Variants in SPATA31G1 observed in about 807,000 individuals in gnomAD.
SPATA31G1 encodes the protein spermatogenesis-associated protein 31G1.
the SPATA31G1 span, chr9:35,045,041 C>T: frequency 6.2e-7 from 1 of 1,614,172 alleles, no homozygotes; most frequent in Non-Finnish European, 8.5e-7. Context: ...GAGCCCCTGG[C>T]CCAAGTCAAT....
At chr9:35,043,676 T>C in the SPATA31G1 span, 1 of 1,614,190 alleles carries the variant, frequency 6.2e-7, no homozygotes, top group South Asian at 1.1e-5. Flanking sequence ...CCCCAGCTTC[T>C]CTGTCAGAAC....
the SPATA31G1 span, chr9:35,044,094 G>A: frequency 6.2e-7 from 1 of 1,614,072 alleles, no homozygotes; most frequent in Admixed American, 1.7e-5. Flanking sequence ...GGGCCCCCAG[G>A]GAGTCCTGTC....
chr9:35,041,451 A>T, the SPATA31G1 span: 61 of 181,178 alleles, frequency 3.4e-4, no homozygotes, highest in Admixed American at 5.4e-4. Context: ...GTAAGTAATA[A>T]TATTATTGTG....
chr9:35,044,304 T>A, the SPATA31G1 span: 2 of 1,614,142 alleles, frequency 1.2e-6, no homozygotes, highest in Non-Finnish European at 1.7e-6. Flanking sequence ...TAGGTCTCCA[T>A]CTCTGGCCCT....
the SPATA31G1 span, chr9:35,043,973 A>G: frequency 6.2e-7 from 1 of 1,613,232 alleles, no homozygotes; most frequent in South Asian, 1.1e-5. Flanking sequence ...TCCCACCAGC[A>G]TCTGAGACAC....
chr9:35,041,452 T>C, the SPATA31G1 span: 1 of 180,524 alleles, frequency 5.5e-6, no homozygotes, highest in Non-Finnish European at 1.2e-5. Flanking sequence ...TAAGTAATAA[T>C]ATTATTGTGC....
At chr9:35,044,206 A>G in the SPATA31G1 span, 1 of 1,614,144 alleles carries the variant, frequency 6.2e-7, no homozygotes, top group Non-Finnish European at 8.5e-7. Flanking sequence ...ACCCTTATGG[A>G]ACCACACAGA....
the SPATA31G1 span, chr9:35,044,579 C>A: frequency 6.2e-7 from 1 of 1,614,152 alleles, no homozygotes; most frequent in African/African-American, 1.3e-5. Flanking sequence ...CATCCTCAAA[C>A]TCTGTTTCAA....
chr9:35,044,230 A>C, the SPATA31G1 span: 6 of 1,614,170 alleles, frequency 3.7e-6, no homozygotes, highest in Non-Finnish European at 5.1e-6. Context: ...AATCCTGGGG[A>C]ATGCCTCGCT....
chr9:35,044,514 G>A, the SPATA31G1 span: 1 of 1,614,080 alleles, frequency 6.2e-7, no homozygotes, highest in Non-Finnish European at 8.5e-7. Flanking sequence ...TATTGTAGGG[G>A]AAATGGAGCA....
At chr9:35,045,092 C>T in the SPATA31G1 span, 3 of 1,614,214 alleles carry the variant, frequency 1.9e-6, no homozygotes, top group Non-Finnish European at 2.5e-6. Flanking sequence ...CAATTCCAGA[C>T]TTCTGGGGAC....
At chr9:35,044,671 G>GGGC in the SPATA31G1 span, 4 of 1,613,938 alleles carry the variant, frequency 2.5e-6, no homozygotes, top group African/African-American at 5.3e-5. Context: ...AAGAACCACT[G>GGGC]GGCCACTGAG....
chr9:35,045,881 G>A, the SPATA31G1 span: 3,795 of 1,581,038 alleles, frequency 2.4e-3, 82 homozygotes, highest in African/African-American at 0.044. Context: ...GAAAAGGCTG[G>A]TAATACTAGC....
chr9:35,043,497 C>A, the SPATA31G1 span: 13 of 1,614,064 alleles, frequency 8.1e-6, no homozygotes, highest in Non-Finnish European at 9.3e-6. Context: ...CCATCTGAGG[C>A]CCTTCCCTGT....
At chr9:35,043,148 G>C in the SPATA31G1 span, 1 of 1,614,158 alleles carries the variant, frequency 6.2e-7, no homozygotes, top group African/African-American at 1.3e-5. Context: ...TCCAGATTCT[G>C]ACCAGCTTTC....
chr9:35,044,992 A>C, the SPATA31G1 span: 10 of 1,614,084 alleles, frequency 6.2e-6, no homozygotes, highest in Non-Finnish European at 8.5e-6. Context: ...AGAGAGCTGA[A>C]ACTCAGGCTG....
At chr9:35,044,088 C>G in the SPATA31G1 span, 1 of 1,614,046 alleles carries the variant, frequency 6.2e-7, no homozygotes, top group Non-Finnish European at 8.5e-7. Flanking sequence ...AGTAATGGGC[C>G]CCCAGGGAGT....
At chr9:35,045,324 C>A in the SPATA31G1 span, 1 of 1,613,960 alleles carries the variant, frequency 6.2e-7, no homozygotes, top group African/African-American at 1.3e-5. Context: ...GAGCCAGGTC[C>A]CATCCCAAGG....
the SPATA31G1 span, chr9:35,045,221 T>C: frequency 6.2e-7 from 1 of 1,614,052 alleles, no homozygotes; most frequent in South Asian, 1.1e-5. Context: ...CCCACTGTCA[T>C]CACTTCCAAT....
Sources: gnomAD v4.1 joint callset for allele counts on GRCh38, gnomAD v4.1.1 for gene constraint, MANE v1.5 for transcripts, NCBI Gene and HGNC (gene_info 2026-07-23, HGNC 2026-07-21) for gene names.